Variants in POLR1A observed in about 807,000 individuals in gnomAD.
The protein encoded by POLR1A is RNA polymerase I subunit A, also known as DNA-directed RNA polymerase I subunit RPA1.
Under a neutral mutation model 205.3 loss-of-function variants are expected in POLR1A, and 84 were observed. That is an observed-to-expected ratio of 0.41 (90% CI 0.34 to 0.49). The LOEUF is 0.49. Ranked by LOEUF, POLR1A falls within the 20% of genes least tolerant of loss-of-function variation. The probability of loss-of-function intolerance (pLI) is 0.22; values close to 1 mark genes in which losing one functional copy is unlikely to be tolerated. For missense variants in POLR1A, 1,645 were observed against 2,204.5 expected (o/e 0.75, Z 5.08); for synonymous variants, 799 against 863.7 (o/e 0.93, Z 1.31).
At chr2:86,057,631 A>T (rs1303367045) in intron 14 of POLR1A, among the ~76,000 whole-genome samples, 1 of 152,248 alleles carries the variant, frequency 6.6e-6, no homozygotes, top group Non-Finnish European at 1.5e-5. Flanking sequence ...CATAAAGAGG[A>T]ATAAAGTACT....
chr2:86,045,455 C>T (rs1558767137), intron 20 of POLR1A, 95 bp from the exon 21 acceptor site: 2 of 1,241,772 alleles, frequency 1.6e-6, no homozygotes, highest in Non-Finnish European at 2.4e-6. Flanking sequence ...CTTTCCTGAC[C>T]AGACAGGCCA....
chr2:86,059,112 A>C (rs1252776072), intron 14 of POLR1A, among the ~76,000 whole-genome samples: 2 of 152,258 alleles, frequency 1.3e-5, no homozygotes, highest in Non-Finnish European at 2.9e-5. Flanking sequence ...TGGTATACCC[A>C]TATCACTGAA....
Position 86,067,323 on chromosome 2 carries a change from T to C in POLR1A, c.1867-1858A>G, listed in dbSNP as rs917585934. 3.9e-5 allele frequency among the ~76,000 whole-genome samples: 6 copies of C among 152,256 alleles called. No homozygotes were observed. The South Asian group carries it at 1.2e-3, about 31-fold the overall frequency. Reference sequence around the variant, plus strand: ...GTCTCTGGTTAGGATGCTTTGTGAATAGGGTATCCCTGTAACTTGAATTTT... The same window carrying C: ...GTCTCTGGTTAGGATGCTTTGTGAACAGGGTATCCCTGTAACTTGAATTTT... On this transcript the variant is annotated intron_variant, in intron 13 of 33. Coordinates refer to ENST00000263857, the MANE Select transcript of POLR1A (RefSeq NM_015425.6).
chr2:86,024,288 G>T lies in POLR1A; in HGVS notation c.*3135C>A. 5.0e-6 allele frequency: 1 copy of T among 198,318 alleles called. No individual in the cohort carries two copies. Among genetic ancestry groups the T allele is most frequent in the South Asian group, 1.1e-4 (1 of 9,352 alleles). The allele number at this position is 198,318 out of a possible 1,614,324, so 12.3% of individuals were successfully genotyped here. A position where few individuals can be genotyped will look rare whatever the true frequency, so the allele number is the denominator to read the frequency against. On this transcript the variant is annotated 3_prime_UTR_variant, in exon 34 of 34. Transcript: ENST00000263857. Reference sequence around the variant, plus strand: ...AAAGACATGCTGTACTTTTCCACTTGTATGAGGGACCTAGAGAAGTCAAAT... The same window carrying T: ...AAAGACATGCTGTACTTTTCCACTTTTATGAGGGACCTAGAGAAGTCAAAT...
At chr2:86,034,382 A>C (rs77848776) in intron 27 of POLR1A, among the ~76,000 whole-genome samples, 1,594 of 152,344 alleles carry the variant, frequency 0.01, 10 homozygotes, top group Non-Finnish European at 0.018. Flanking sequence ...GGACTTCGGA[A>C]GGGCTCATCA....
chr2:86,050,120 G>A (rs1027713103), intron 16 of POLR1A, among the ~76,000 whole-genome samples: 2 of 152,070 alleles, frequency 1.3e-5, no homozygotes, highest in African/African-American at 2.4e-5. Context: ...GTTTCACCAC[G>A]TTGGCCAGGA....
chr2:86,061,921 T>C (rs142127817), intron 14 of POLR1A, among the ~76,000 whole-genome samples: 217 of 152,320 alleles, frequency 1.4e-3, no homozygotes, highest in African/African-American at 5.0e-3. Context: ...CAAAGATGTA[T>C]TCACTTTGTG....
chr2:86,080,371 AT>A (rs2104421444), intron 9 of POLR1A, among the ~76,000 whole-genome samples: 1 of 152,290 alleles, frequency 6.6e-6, no homozygotes, highest in South Asian at 2.1e-4. Context: ...TGCTGGAGAC[AT>A]TAACGTGTCC....
At chr2:86,069,577 C>T (rs563997518) in intron 13 of POLR1A, among the ~76,000 whole-genome samples, 1 of 152,182 alleles carries the variant, frequency 6.6e-6, no homozygotes, top group Non-Finnish European at 1.5e-5. Flanking sequence ...CGGGCTGCTG[C>T]GGGATCTCTT....
At chr2:86,060,335 T>C (rs762009555) in intron 14 of POLR1A, among the ~76,000 whole-genome samples, 1 of 152,080 alleles carries the variant, frequency 6.6e-6, no homozygotes, top group Non-Finnish European at 1.5e-5. Flanking sequence ...TATATGGAAA[T>C]ACAAACACCC....
Position 86,087,343 on chromosome 2 carries a change from C to T in POLR1A, c.730+1223G>A, listed in dbSNP as rs1673520016. Among the ~76,000 whole-genome samples the T allele has an allele frequency of 2.0e-5, 3 of 152,208 alleles. No homozygotes were observed. In the South Asian group the frequency reaches 6.2e-4, roughly 32 times the overall value. ...TCCAGGAGGGGATCTTATTTCCATGCTTATCCCATATTCTCAAACCCTGGT... is the reference window on the plus strand; with the variant it reads ...TCCAGGAGGGGATCTTATTTCCATGTTTATCCCATATTCTCAAACCCTGGT... On this transcript the variant is annotated intron_variant, in intron 6 of 33. Coordinates refer to ENST00000263857, the MANE Select transcript of POLR1A (RefSeq NM_015425.6).
chr2:86,090,386 CAAAAAA>C (rs56810530), intron 3 of POLR1A, among the ~76,000 whole-genome samples: 1 of 94,634 alleles, frequency 1.1e-5, no homozygotes. Flanking sequence ...GACACCATCT[CAAAAAA>C]AAAAAAAAAA....
At chr2:86,053,702 C>T (rs983151366) in intron 15 of POLR1A, among the ~76,000 whole-genome samples, 2 of 152,196 alleles carry the variant, frequency 1.3e-5, no homozygotes, top group Non-Finnish European at 2.9e-5. Context: ...GACTTCTCCA[C>T]TGGGAACATG....
chr2:86,076,372 G>A lies in POLR1A; in HGVS notation c.1381-1112C>T, dbSNP rs17026864. Among the ~76,000 whole-genome samples the A allele has an allele frequency of 9.2e-3, 1,397 of 152,296 alleles. 15 individuals carry two copies. Among genetic ancestry groups the A allele is most frequent in the Middle Eastern group, 0.031 (9 of 294 alleles). On this transcript the variant is annotated intron_variant, in intron 11 of 33. Coordinates refer to ENST00000263857, the MANE Select transcript of POLR1A (RefSeq NM_015425.6). The stretch of plus-strand genomic sequence containing the variant: ...GCTGATGCACTTACCACCCATCACC[G>A]TTCAACAGAGCATACATATACTTGT...
At chr2:86,097,844 T>C (rs1449330451) in intron 3 of POLR1A, among the ~76,000 whole-genome samples, 3 of 152,166 alleles carry the variant, frequency 2.0e-5, no homozygotes, top group African/African-American at 4.8e-5. Context: ...AGGATGACCA[T>C]AGCTAACAAT....
At position 86,091,878 on chromosome 2, in the gene POLR1A, C is replaced by A. The variant is rs192164588; in HGVS notation, c.433-1949G>T. On this transcript the variant is annotated intron_variant, in intron 3 of 33. Transcript: ENST00000263857. Reference sequence around the variant, plus strand: ...CCTGTAATCCCAGCACTTTGTGAGGCCAAGGCAGGCAGATCACCTGAGGTC... The same window carrying A: ...CCTGTAATCCCAGCACTTTGTGAGGACAAGGCAGGCAGATCACCTGAGGTC... Among the ~76,000 whole-genome samples, 634 of 152,256 alleles carry A rather than the reference C, an allele frequency of 4.2e-3. 2 individuals are homozygous for A. The highest frequency in any genetic ancestry group is 0.015 in the African/African-American group (604 of 41,548).
At chr2:86,057,097 C>A (rs1672910441) in intron 14 of POLR1A, among the ~76,000 whole-genome samples, 1 of 152,048 alleles carries the variant, frequency 6.6e-6, no homozygotes, top group African/African-American at 2.4e-5. Flanking sequence ...AAATGGAAAA[C>A]CTTCTGGAAA....
At chr2:86,041,149 CTGTGTGTG>C (rs756415592) in intron 24 of POLR1A, among the ~76,000 whole-genome samples, 433 of 122,356 alleles carry the variant, frequency 3.5e-3, no homozygotes, top group East Asian at 0.011. Flanking sequence ...CTGAGCTACA[CTGTGTGTG>C]TGTGTGTGTG....
At chr2:86,088,467 A>G (rs760483517) in intron 6 of POLR1A, 99 bp downstream of exon 6, 151 of 775,060 alleles carry the variant, frequency 1.9e-4, no homozygotes, top group Non-Finnish European at 3.0e-4. Flanking sequence ...TCCCAAATGC[A>G]GCAGAGAAAC....
Sources: allele counts gnomAD v4.1 joint callset (sites outside exome capture counted in the v4.1 genomes callset), GRCh38; gene constraint gnomAD v4.1.1; transcripts MANE v1.5; gene names NCBI Gene and HGNC (gene_info 2026-07-23, HGNC 2026-07-21).